RYR3: variants seen among roughly 807,000 people sequenced by gnomAD.
RYR3 encodes the protein brain ryanodine receptor-calcium release channel.
In RYR3, 207 loss-of-function variants were observed where a neutral mutation model predicts 584.3. The observed-to-expected ratio is 0.35, with a 90% CI of 0.32 to 0.40. RYR3 has a LOEUF of 0.40. Among genes scored for constraint, RYR3 ranks in the 10% least tolerant of loss-of-function variants. The pLI is 1.00. For synonymous variants in RYR3, 2,416 were observed against 2,248.5 expected (o/e 1.07, Z -2.11); for missense variants, 5,616 against 6,089.2 (o/e 0.92, Z 2.59).
chr15:33,320,235 T>C (rs1968775921), intron 1 of RYR3, among the ~76,000 whole-genome samples: 1 of 152,190 alleles, frequency 6.6e-6, no homozygotes, highest in Non-Finnish European at 1.5e-5. Context: ...AGACAGTGTA[T>C]CATTTATCAC....
intron 1 of RYR3, among the ~76,000 whole-genome samples, chr15:33,352,342 C>T (rs1973393819): frequency 6.6e-6 from 1 of 151,850 alleles, no homozygotes; most frequent in South Asian, 2.1e-4. Flanking sequence ...TGGCCATTTT[C>T]TTTACTCTCA....
intron 60 of RYR3, 48 bp downstream of exon 60, chr15:33,757,644 T>G (rs1277506516): frequency 1.3e-6 from 2 of 1,581,858 alleles, no homozygotes; most frequent in Admixed American, 1.8e-5. Context: ...TGCAATTTAC[T>G]TAAAATGCCA....
intron 42 of RYR3, among the ~76,000 whole-genome samples, chr15:33,702,227 C>T (rs895896068): frequency 6.6e-6 from 1 of 152,036 alleles, no homozygotes; most frequent in African/African-American, 2.4e-5. Flanking sequence ...AGGAGGTCAC[C>T]GTAGAGCCAA....
At chr15:33,450,524 G>A (rs143709899) in intron 1 of RYR3, among the ~76,000 whole-genome samples, 113 of 152,128 alleles carry the variant, frequency 7.4e-4, no homozygotes, top group African/African-American at 2.6e-3. Context: ...AAACTGTTTG[G>A]AGCAGAGTGA....
chr15:33,860,384 G>C (rs1292738939), intron 100 of RYR3, among the ~76,000 whole-genome samples: 1 of 152,206 alleles, frequency 6.6e-6, no homozygotes, highest in Non-Finnish European at 1.5e-5. Context: ...GTAGTTAACA[G>C]CACTGCATGG....
chr15:33,721,778 A>G (rs556064381), intron 43 of RYR3, among the ~76,000 whole-genome samples: 1 of 151,558 alleles, frequency 6.6e-6, no homozygotes, highest in African/African-American at 2.4e-5. Context: ...TTTTTTTTTT[A>G]TTAAGTTGTT....
chr15:33,415,009 ACT>A (rs1016946221), intron 1 of RYR3, among the ~76,000 whole-genome samples: 5 of 152,040 alleles, frequency 3.3e-5, no homozygotes, highest in African/African-American at 9.7e-5. Flanking sequence ...TTAATAAGAC[ACT>A]CTGTCCAGTA....
chr15:33,426,307 G>A (rs16970862), intron 1 of RYR3, among the ~76,000 whole-genome samples: 2,083 of 152,190 alleles, frequency 0.014, 35 homozygotes, highest in African/African-American at 0.048. Context: ...AGAAAACGTG[G>A]CAAATGTGGG....
At chr15:33,430,344 C>T (rs551703707) in intron 1 of RYR3, among the ~76,000 whole-genome samples, 2 of 152,224 alleles carry the variant, frequency 1.3e-5, no homozygotes, top group South Asian at 2.1e-4. Context: ...ATCGGCACAT[C>T]GAGGCTATAC....
chr15:33,425,730 C>T (rs951442254), intron 1 of RYR3, among the ~76,000 whole-genome samples: 10 of 151,272 alleles, frequency 6.6e-5, no homozygotes, highest in African/African-American at 1.2e-4. Flanking sequence ...CAAGCTCCGC[C>T]TCCCGGGTTC....
chr15:33,860,473 T>C, intron 100 of RYR3, 122 bp from the exon 101 acceptor site: 1 of 563,772 alleles, frequency 1.8e-6, no homozygotes, highest in Admixed American at 3.4e-5. Flanking sequence ...GTATTATTTT[T>C]CTAATTTTGC....
chr15:33,742,448 G>C lies in RYR3; in HGVS notation c.7899+4G>C. On this transcript the variant is annotated splice_donor_region_variant and intron_variant, in intron 52 of 103. Transcript: ENST00000634891. Reference sequence around the variant, plus strand: ...TGATAAATGGGCCTGTGACAAGGTAGGGATTATCATCCAACTGACAATCGT... The same window carrying C: ...TGATAAATGGGCCTGTGACAAGGTACGGATTATCATCCAACTGACAATCGT... 6.3e-7 allele frequency: 1 copy of C among 1,584,878 alleles called. No homozygotes were observed. The highest frequency in any genetic ancestry group is 8.7e-7 in the Non-Finnish European group (1 of 1,153,446).
intron 64 of RYR3, among the ~76,000 whole-genome samples, chr15:33,774,324 T>G (rs1312596704): frequency 6.6e-6 from 1 of 152,204 alleles, no homozygotes. Flanking sequence ...CTTGGAAGAT[T>G]TTTGTTTTCT....
chr15:33,417,127 G>T (rs949822453), intron 1 of RYR3, among the ~76,000 whole-genome samples: 5 of 152,072 alleles, frequency 3.3e-5, no homozygotes, highest in African/African-American at 4.8e-5. Context: ...ATAATGTGAT[G>T]TCTCCAGCTT....
intron 103 of RYR3, chr15:33,864,910 G>C: frequency 1.2e-5 from 6 of 503,706 alleles, no homozygotes; most frequent in South Asian, 6.7e-5. Flanking sequence ...TTGGGGCAGA[G>C]GGGGATTTTT....
chr15:33,825,778 G>T, intron 82 of RYR3, 102 bp downstream of exon 82: 1 of 738,504 alleles, frequency 1.4e-6, no homozygotes, highest in East Asian at 2.8e-5. Context: ...TGTTGCTCAG[G>T]CTGGACTGCA....
At position 33,338,007 on chromosome 15, in the gene RYR3, C is replaced by T. The variant is rs182034028; in HGVS notation, c.51+26911C>T. Among the ~76,000 whole-genome samples the T allele has an allele frequency of 2.2e-3, 311 of 138,566 alleles. 1 individual carries two copies. The highest frequency in any genetic ancestry group is 5.3e-3 in the Admixed American group (66 of 12,522). The allele number at this position is 138,566 out of a possible 152,430, so 90.9% of individuals were successfully genotyped here. The stretch of plus-strand genomic sequence containing the variant: ...TCGCCCAGGCTAGAGTGCAGTGGCG[C>T]GATCTTGGCTCACCGAAAGCTCCGC... On this transcript the variant is annotated intron_variant, in intron 1 of 103. Transcript: ENST00000634891.
chr15:33,658,421 A>C (rs1262401797), intron 32 of RYR3, among the ~76,000 whole-genome samples: 1 of 152,186 alleles, frequency 6.6e-6, no homozygotes, highest in Non-Finnish European at 1.5e-5. Context: ...TCTCCAGTCC[A>C]CCAAGATGAA....
chr15:33,594,262 T>C (rs573276897), intron 16 of RYR3, among the ~76,000 whole-genome samples: 6 of 152,326 alleles, frequency 3.9e-5, no homozygotes, highest in African/African-American at 1.4e-4. Flanking sequence ...ATAACCAGTG[T>C]ATCCAACTGT....
Sources: gnomAD v4.1 joint callset for allele counts (sites outside exome capture counted in the v4.1 genomes callset) on GRCh38, gnomAD v4.1.1 for gene constraint, MANE v1.5 for transcripts, NCBI Gene and HGNC (gene_info 2026-07-23, HGNC 2026-07-21) for gene names.